PHACTR2: variants seen among roughly 807,000 people sequenced by gnomAD.
The protein encoded by PHACTR2 is phosphatase and actin regulator 2.
Under a neutral mutation model 76.0 loss-of-function variants are expected in PHACTR2, and 30 were observed. The observed-to-expected ratio is 0.39, with a 90% confidence interval of 0.30 to 0.54. The LOEUF (loss-of-function observed/expected upper bound fraction) is 0.54, where lower values mean the gene tolerates loss of function less well. PHACTR2 is among the 20% of genes least tolerant of loss of function. PHACTR2 has a pLI of 0.61. For synonymous variants in PHACTR2, 292 were observed against 292.5 expected, an observed-to-expected ratio of 1.00 and a Z score of 0.02; for missense variants, 696 against 781.1, an observed-to-expected ratio of 0.89 and a Z score of 1.30.
At chr6:143,699,706 G>C (rs1777856690) in intron 1 of PHACTR2, among the ~76,000 whole-genome samples, 1 of 152,144 alleles carries the variant, frequency 6.6e-6, no homozygotes, top group Admixed American at 6.5e-5. Flanking sequence ...CCCTTGTAGA[G>C]GTTCAGGCCA....
chr6:143,716,918 C>T lies in PHACTR2; in HGVS notation c.214+4735C>T, dbSNP rs369190086. Among the ~76,000 whole-genome samples the T allele has an allele frequency of 1.1e-4, 17 of 151,392 alleles. No homozygotes were observed. In the East Asian group the frequency reaches 1.4e-3, roughly 12 times the overall value. On this transcript the variant is annotated intron_variant, in intron 2 of 12. Transcript: ENST00000440869. ...TGGGGACATAGGTGGGCAGAGCACC[C>T]GTCTCCCCTCTTGCCCCTCCATATC...
intron 1 of PHACTR2, among the ~76,000 whole-genome samples, chr6:143,649,843 G>T (rs1247188361): frequency 6.6e-6 from 1 of 152,242 alleles, no homozygotes; most frequent in East Asian, 1.9e-4. Flanking sequence ...TTCTGGTCAG[G>T]GCAATCAGGC....
At chr6:143,685,540 G>A (rs961085326) in intron 1 of PHACTR2, among the ~76,000 whole-genome samples, 8 of 151,908 alleles carry the variant, frequency 5.3e-5, no homozygotes, top group Non-Finnish European at 1.2e-4. Flanking sequence ...AACTTATGAC[G>A]TTCATCCGGG....
chr6:143,670,102 A>T (rs1389480021), intron 1 of PHACTR2, among the ~76,000 whole-genome samples: 1 of 152,150 alleles, frequency 6.6e-6, no homozygotes, highest in Non-Finnish European at 1.5e-5. Flanking sequence ...TCCTTTGCTT[A>T]TGAAGCTTAG....
chr6:143,673,305 C>G (rs1037666591), upstream of PHACTR2, among the ~76,000 whole-genome samples: 2 of 146,572 alleles, frequency 1.4e-5, no homozygotes, highest in Admixed American at 1.4e-4. Context: ...ATATTATTAC[C>G]AAAATTTTAC....
chr6:143,613,221 C>G (rs1273269713), intron 1 of PHACTR2, among the ~76,000 whole-genome samples: 1 of 152,228 alleles, frequency 6.6e-6, no homozygotes, highest in African/African-American at 2.4e-5. Flanking sequence ...GTGATCCACC[C>G]GCCTCGGCCT....
In PHACTR2 at chr6:143,557,993, C is replaced by A. The variant is rs1775204519; in HGVS notation, c.217+20786C>A. Reference sequence around the variant, plus strand: ...ATGGGATCCTTCATGTCCAGGTGTACCTCACCTGCTTCAGGAGACACCAGA... The same window carrying A: ...ATGGGATCCTTCATGTCCAGGTGTAACTCACCTGCTTCAGGAGACACCAGA... On this transcript the variant is annotated intron_variant, in intron 1 of 11. Coordinates refer to the PHACTR2 transcript ENST00000367584. This position sits in a 1 kb window ranked among gnomAD's most constrained non-coding sequence, Gnocchi z 5.5. The A allele has an allele frequency of 6.6e-6, 1 of 152,068 alleles. No individual in the cohort carries two copies. Among genetic ancestry groups the A allele is most frequent in the African/African-American group, 2.4e-5 (1 of 41,406 alleles). The allele number at this position is 152,068 out of a possible 1,614,324, so 9.4% of individuals were successfully genotyped here. A position where few individuals can be genotyped will look rare whatever the true frequency, so the allele number is the denominator to read the frequency against.
chr6:143,658,630 C>T lies in PHACTR2; in HGVS notation c.13+50308C>T, dbSNP rs570334182. Among the ~76,000 whole-genome samples, 11 of 152,296 alleles carry T rather than the reference C, an allele frequency of 7.2e-5. No individual in the cohort carries two copies. Among genetic ancestry groups the T allele is most frequent in the African/African-American group, 2.4e-4 (10 of 41,554 alleles). On this transcript the variant is annotated intron_variant, in intron 1 of 11. Transcript: ENST00000305766. The surrounding 1 kb of genome is among the most constrained non-coding windows in gnomAD (Gnocchi z 4.1). ...CAGCATGTTACTGCACTGAATACTA[C>T]AGACAATTATAACACAATGGTAAGC...
intron 1 of PHACTR2, among the ~76,000 whole-genome samples, chr6:143,682,520 C>T (rs1427747351): frequency 6.9e-6 from 1 of 145,632 alleles, no homozygotes; most frequent in Admixed American, 6.9e-5. Context: ...CTGGCCTGAA[C>T]TCATTTTTTA....
chr6:143,752,202 T>A (rs1420720532), intron 3 of PHACTR2, among the ~76,000 whole-genome samples: 1 of 152,118 alleles, frequency 6.6e-6, no homozygotes. Flanking sequence ...TGACATGACT[T>A]CAATATACTT....
In PHACTR2 at chr6:143,794,581, G is replaced by T. The variant is rs1490369772; in HGVS notation, c.1845+5671G>T. On this transcript the variant is annotated intron_variant, in intron 11 of 12. Coordinates refer to ENST00000440869, the MANE Select transcript of PHACTR2 (RefSeq NM_001100164.2). The surrounding 1 kb of genome is among the most constrained non-coding windows in gnomAD (Gnocchi z 4.1). The stretch of plus-strand genomic sequence containing the variant: ...GGGTGAGTTGGGTGGATCACTTGAG[G>T]TCAGGAGTTCAAGACCAGCCTGGCC... 6.6e-6 allele frequency among the ~76,000 whole-genome samples: 1 copy of T among 152,070 alleles called. No homozygotes were observed. Among genetic ancestry groups the T allele is most frequent in the Non-Finnish European group, 1.5e-5 (1 of 68,018 alleles).
At chr6:143,706,370 A>G (rs144920001) in intron 1 of PHACTR2, among the ~76,000 whole-genome samples, 49 of 152,366 alleles carry the variant, frequency 3.2e-4, no homozygotes, top group African/African-American at 1.2e-3. Context: ...TAGCAAATAC[A>G]TGTGTGTAAG....
chr6:143,770,925 C>CTTTTTTTTT (rs72471881), intron 6 of PHACTR2, among the ~76,000 whole-genome samples: 1 of 119,218 alleles, frequency 8.4e-6, no homozygotes. Flanking sequence ...TTCTTTCTTT[C>CTTTTTTTTT]TTTTTTTTTT....
At position 143,774,813 on chromosome 6, in the gene PHACTR2, T is replaced by C. The variant is rs951961364; in HGVS notation, c.1589+598T>C. 6.6e-6 allele frequency among the ~76,000 whole-genome samples: 1 copy of C among 152,228 alleles called. No individual in the cohort carries two copies. The highest frequency in any genetic ancestry group is 1.5e-5 in the Non-Finnish European group (1 of 68,036). On this transcript the variant is annotated intron_variant, in intron 8 of 12. Coordinates refer to ENST00000440869, the MANE Select transcript of PHACTR2 (RefSeq NM_001100164.2). The surrounding 1 kb of genome is among the most constrained non-coding windows in gnomAD (Gnocchi z 5.4). ...CTTCCAACTTCAAGTAAATGGATCA[T>C]CTGACATCTCTTCCTGCCTCCAACC...
rs891434716 is a variant in PHACTR2, at chr6:143,684,330, C to T, written c.46+6121C>T. Among the ~76,000 whole-genome samples the T allele has an allele frequency of 1.3e-4, 20 of 152,140 alleles. No homozygotes were observed. The highest frequency in any genetic ancestry group is 2.8e-4 in the Non-Finnish European group (19 of 68,022). ...ACCCCAACCACTCACTTATTCTAGC[C>T]CAAGATCTAGGAGTTATTCTTAGGT... On this transcript the variant is annotated intron_variant, in intron 1 of 12. Coordinates refer to ENST00000440869, the MANE Select transcript of PHACTR2 (RefSeq NM_001100164.2). The surrounding 1 kb of genome is among the most constrained non-coding windows in gnomAD (Gnocchi z 4.3).
At chr6:143,628,441 AC>A (rs1459201613) in intron 1 of PHACTR2, among the ~76,000 whole-genome samples, 2 of 152,112 alleles carry the variant, frequency 1.3e-5, no homozygotes, top group African/African-American at 4.8e-5. Context: ...CCTTGCCTTT[AC>A]CGACTTGTTA....
chr6:143,711,940 C>G, intron 1 of PHACTR2, 76 bp from the exon 2 acceptor site: 1 of 1,275,788 alleles, frequency 7.8e-7, no homozygotes, highest in Non-Finnish European at 1.1e-6. Flanking sequence ...GTTAACAGCC[C>G]AGGGACCAAT....
intron 1 of PHACTR2, among the ~76,000 whole-genome samples, chr6:143,590,522 TAGAA>T (rs1009488916): frequency 5.3e-5 from 8 of 151,674 alleles, no homozygotes; most frequent in African/African-American, 1.9e-4. Flanking sequence ...AGATCAGTGT[TAGAA>T]AGCTAATTAC....
chr6:143,704,212 C>T (rs907145896), intron 1 of PHACTR2, among the ~76,000 whole-genome samples: 8 of 151,846 alleles, frequency 5.3e-5, no homozygotes, highest in Non-Finnish European at 1.2e-4. Context: ...GAGCTGGGCC[C>T]ATTGTCTACC....
Sources: allele counts gnomAD v4.1 joint callset (sites outside exome capture counted in the v4.1 genomes callset), GRCh38; gene constraint gnomAD v4.1.1; non-coding constraint Gnocchi (gnomAD v3.1); transcripts MANE v1.5; gene names NCBI Gene and HGNC (gene_info 2026-07-23, HGNC 2026-07-21).